CDK5RAP1: variants seen among roughly 807,000 people sequenced by gnomAD.
CDK5RAP1 encodes the protein mitochondrial tRNA methylthiotransferase CDK5RAP1.
CDK5RAP1 carries 62 observed loss-of-function variants against 64.5 expected under a neutral mutation model. The ratio of observed to expected loss-of-function variants is 0.96; its 90% CI spans 0.78 to 1.19. CDK5RAP1 has a LOEUF of 1.19. Ranked by LOEUF, CDK5RAP1 falls within the 50% of genes most tolerant of loss-of-function variation. The pLI, the probability that CDK5RAP1 is intolerant of heterozygous loss-of-function variation, is 0.00. For synonymous variants in CDK5RAP1, 250 were observed against 261.9 expected (o/e 0.95, Z 0.44); for missense variants, 657 against 735.0 (o/e 0.89, Z 1.23).
rs1220740519 is a variant in CDK5RAP1, at chr20:33,360,340, G to A, written c.1683+11C>T. ...CACAGTGCAAGCCAAAAGCCCAAAA[G>A]GACTCCTCACCTTCACCAGCACATA... On this transcript the variant is annotated intron_variant, in intron 13 of 13. Coordinates refer to ENST00000346416, the MANE Select transcript of CDK5RAP1 (RefSeq NM_016408.4). 6.2e-7 allele frequency: 1 copy of A among 1,612,070 alleles called. No individual in the cohort carries two copies. The highest frequency in any genetic ancestry group is 8.5e-7 in the Non-Finnish European group (1 of 1,179,494).
Position 33,374,096 on chromosome 20 carries a change from CT to C in CDK5RAP1, c.1205+18del. On this transcript the variant is annotated intron_variant, in intron 9 of 13. Coordinates refer to ENST00000346416, the MANE Select transcript of CDK5RAP1 (RefSeq NM_016408.4). ...AACATGGAAAAGTGAGGGATGCCCCCTCTCCAAGCAAGCCTGACCCCCTCCG... is the reference window on the plus strand; with the variant it reads ...AACATGGAAAAGTGAGGGATGCCCCCCTCCAAGCAAGCCTGACCCCCTCCG... 6.4e-7 allele frequency: 1 copy of C among 1,568,596 alleles called. No individual in the cohort carries two copies. Among genetic ancestry groups the C allele is most frequent in the Non-Finnish European group, 8.8e-7 (1 of 1,139,090 alleles).
chr20:33,377,331 C>T lies in CDK5RAP1; in HGVS notation c.1107+2130G>A, dbSNP rs145450321. Among the ~76,000 whole-genome samples the T allele has an allele frequency of 1.7e-3, 259 of 152,340 alleles. 1 individual carries two copies. Among genetic ancestry groups the T allele is most frequent in the Non-Finnish European group, 3.0e-3 (201 of 68,040 alleles). ...GCAAATCTGTTGTTTAGTAGAACCA[C>T]CTTCAGCATTGATCTTAGCTAGATC... On this transcript the variant is annotated intron_variant, in intron 8 of 13. Transcript: ENST00000346416.
rs376214305 is a variant in CDK5RAP1, at chr20:33,396,746, C to T, written c.304+15G>A. On this transcript the variant is annotated intron_variant, in intron 2 of 13. Coordinates refer to ENST00000346416, the MANE Select transcript of CDK5RAP1 (RefSeq NM_016408.4). ...AAGGCAGGAAGCCCAAAGGGATAAG[C>T]GAAGTAAAACCAACCTTTTCTCTGC... 12 of 1,597,200 alleles carry T rather than the reference C, an allele frequency of 7.5e-6. No homozygotes were observed. Among genetic ancestry groups the T allele is most frequent in the Middle Eastern group, 1.9e-4 (1 of 5,272 alleles).
chr20:33,370,240 T>C (rs559834403), intron 11 of CDK5RAP1, among the ~76,000 whole-genome samples: 1 of 152,176 alleles, frequency 6.6e-6, no homozygotes, highest in African/African-American at 2.4e-5. Flanking sequence ...TCCTTCCATA[T>C]TCAAATTGCA....
chr20:33,360,253 T>G, intron 13 of CDK5RAP1, 98 bp downstream of exon 13: 1 of 1,211,028 alleles, frequency 8.3e-7, no homozygotes, highest in Non-Finnish European at 1.2e-6. Context: ...ATTTTTATTT[T>G]ACTAAAATGT....
At chr20:33,365,813 G>A (rs981140755) in intron 12 of CDK5RAP1, among the ~76,000 whole-genome samples, 1 of 152,148 alleles carries the variant, frequency 6.6e-6, no homozygotes, top group African/African-American at 2.4e-5. Context: ...GCCATAAAGT[G>A]CGCAGTTCCT....
chr20:33,368,399 C>T (rs1323004118), intron 11 of CDK5RAP1, among the ~76,000 whole-genome samples: 1 of 151,572 alleles, frequency 6.6e-6, no homozygotes, highest in Non-Finnish European at 1.5e-5. Context: ...CTCAAGTGAT[C>T]CTCCGACTTC....
chr20:33,360,552 G>A, intron 12 of CDK5RAP1, 61 bp from the exon 13 acceptor site: 2 of 1,477,520 alleles, frequency 1.4e-6, no homozygotes, highest in Non-Finnish European at 1.8e-6. Context: ...TTGGAGGGTA[G>A]AAACTGTGCC....
At chr20:33,368,815 G>A (rs968019029) in intron 11 of CDK5RAP1, among the ~76,000 whole-genome samples, 2 of 151,930 alleles carry the variant, frequency 1.3e-5, no homozygotes, top group Non-Finnish European at 2.9e-5. Flanking sequence ...AGGTTGTGGT[G>A]AGCTGAGATC....
At position 33,396,741 on chromosome 20, in the gene CDK5RAP1, A is replaced by G; in HGVS notation, c.304+20T>C. 1 of 1,584,006 alleles carries G rather than the reference A, an allele frequency of 6.3e-7. No individual in the cohort carries two copies. Among genetic ancestry groups the G allele is most frequent in the Non-Finnish European group, 8.6e-7 (1 of 1,157,204 alleles). On this transcript the variant is annotated intron_variant, in intron 2 of 13. Transcript: ENST00000346416. ...GGAGCAAGGCAGGAAGCCCAAAGGG[A>G]TAAGCGAAGTAAAACCAACCTTTTC...
Position 33,360,733 on chromosome 20 carries a change from G to C in CDK5RAP1, c.1543-242C>G, listed in dbSNP as rs139572917. 2.2e-3 allele frequency among the ~76,000 whole-genome samples: 334 copies of C among 152,322 alleles called. 2 individuals are homozygous for C. The highest frequency in any genetic ancestry group is 7.7e-3 in the African/African-American group (320 of 41,570). ...TTATAATGAATCAATTAATCAATAAGTCTGTGCAGAACTGCCTTCTGCAGG... is the reference window on the plus strand; with the variant it reads ...TTATAATGAATCAATTAATCAATAACTCTGTGCAGAACTGCCTTCTGCAGG... On this transcript the variant is annotated intron_variant, in intron 12 of 13. Transcript: ENST00000346416.
chr20:33,364,188 CTT>C (rs11479107), intron 12 of CDK5RAP1, among the ~76,000 whole-genome samples: 3 of 135,496 alleles, frequency 2.2e-5, no homozygotes, highest in African/African-American at 2.7e-5. Flanking sequence ...GAAGAAATAG[CTT>C]TTTTTTTTTT....
chr20:33,377,944 G>A (rs1188217356), intron 8 of CDK5RAP1, among the ~76,000 whole-genome samples: 4 of 152,148 alleles, frequency 2.6e-5, no homozygotes, highest in East Asian at 1.9e-4. Flanking sequence ...GAGTCACTGC[G>A]CCCAGCCTGT....
intron 7 of CDK5RAP1, 173 bp downstream of exon 7, chr20:33,385,477 A>G: frequency 1.6e-6 from 1 of 628,550 alleles, no homozygotes; most frequent in Non-Finnish European, 2.7e-6. Context: ...TCCATAGTGG[A>G]GCTCTGTAAT....
intron 12 of CDK5RAP1, among the ~76,000 whole-genome samples, chr20:33,365,933 T>G (rs1983843802): frequency 6.6e-6 from 1 of 152,214 alleles, no homozygotes; most frequent in Admixed American, 6.5e-5. Context: ...GAAAGTCTCC[T>G]CTAAGAGAAA....
At chr20:33,368,340 C>T (rs6088196) in intron 11 of CDK5RAP1, among the ~76,000 whole-genome samples, 63,993 of 151,748 alleles carry the variant, frequency 0.42, 14,452 homozygotes, top group Non-Finnish European at 0.51. Context: ...GTTGCCAAAC[C>T]GGAGTGCAGT....
At chr20:33,370,769 A>G (rs1813932055) in intron 10 of CDK5RAP1, 140 bp from the exon 11 acceptor site, 2 of 800,246 alleles carry the variant, frequency 2.5e-6, no homozygotes, top group Non-Finnish European at 4.0e-6. Context: ...ACAAAATAGT[A>G]CAGAGTAAGG....
intron 6 of CDK5RAP1, among the ~76,000 whole-genome samples, chr20:33,386,188 T>A (rs752846463): frequency 6.6e-6 from 1 of 152,124 alleles, no homozygotes; most frequent in Non-Finnish European, 1.5e-5. Flanking sequence ...CTCAGCCTCC[T>A]GAGTAGCTGG....
chr20:33,373,086 GTGTGTC>G, intron 9 of CDK5RAP1: 1 of 196,212 alleles, frequency 5.1e-6, no homozygotes, highest in Non-Finnish European at 1.0e-5. Flanking sequence ...TAGTGTGTGT[GTGTGTC>G]TGTGTGTCTG....
Sources: gnomAD v4.1 joint callset for allele counts (sites outside exome capture counted in the v4.1 genomes callset) on GRCh38, gnomAD v4.1.1 for gene constraint, MANE v1.5 for transcripts, NCBI Gene and HGNC (gene_info 2026-07-23, HGNC 2026-07-21) for gene names.